The following ARHGAP24 variants were observed in gnomAD, a reference collection of about 807,000 sequenced individuals.
ARHGAP24 encodes the protein rho GTPase-activating protein 24.
A neutral mutation model predicts 76.4 loss-of-function variants in ARHGAP24; 50 were observed. The observed-to-expected ratio is 0.65, with a 90% CI of 0.52 to 0.83. ARHGAP24 has a LOEUF of 0.83. Among genes scored for constraint, ARHGAP24 ranks in the 40% least tolerant of loss-of-function variants. The pLI, the probability that ARHGAP24 is intolerant of heterozygous loss-of-function variation, is 0.00. For synonymous variants in ARHGAP24, 345 were observed against 323.3 expected, an observed-to-expected ratio of 1.07 and a Z score of -0.72; for missense variants, 930 against 914.2, an observed-to-expected ratio of 1.02 and a Z score of -0.22.
At position 85,882,709 on chromosome 4, in the gene ARHGAP24, G is replaced by T. The variant is rs573921826; in HGVS notation, c.269-40939G>T. Among the ~76,000 whole-genome samples the T allele has an allele frequency of 1.1e-4, 16 of 152,290 alleles. No homozygotes were observed. In the South Asian group the frequency reaches 3.1e-3, roughly 30 times the overall value. On this transcript the variant is annotated intron_variant, in intron 3 of 9. Transcript: ENST00000395184. Reference sequence around the variant, plus strand: ...AGCAAAGGTTTTCCAAAGGAGAATAGAGAGGTTCTCATAGGTGGCCAGAAT... The same window carrying T: ...AGCAAAGGTTTTCCAAAGGAGAATATAGAGGTTCTCATAGGTGGCCAGAAT...
chr4:85,773,767 G>A (rs1163894059), intron 3 of ARHGAP24, among the ~76,000 whole-genome samples: 1 of 151,900 alleles, frequency 6.6e-6, no homozygotes, highest in Non-Finnish European at 1.5e-5. Flanking sequence ...TATTTTCCTG[G>A]GGAAATTTCT....
Position 85,974,882 on chromosome 4 carries a change from A to G in ARHGAP24, c.733-6A>G. 1.2e-6 allele frequency: 2 copies of G among 1,612,970 alleles called. No individual in the cohort carries two copies. The highest frequency in any genetic ancestry group is 8.5e-7 in the Non-Finnish European group (1 of 1,179,224). ...AAATAATATTTATTTTCTTCTTTGT[A>G]CTCAGGGTGTTAAGGAATTAGCAAA... On this transcript the variant is annotated splice_polypyrimidine_tract_variant and splice_region_variant and intron_variant, in intron 6 of 9. Coordinates refer to ENST00000395184, the MANE Select transcript of ARHGAP24 (RefSeq NM_001025616.3).
At chr4:85,577,421 C>T (rs13104640) in intron 2 of ARHGAP24, among the ~76,000 whole-genome samples, 88,834 of 151,846 alleles carry the variant, frequency 0.59, 28,653 homozygotes, top group Non-Finnish European at 0.74. Context: ...TATAAAATAG[C>T]GTATTGCCTA....
intron 1 of ARHGAP24, among the ~76,000 whole-genome samples, chr4:85,565,356 A>G (rs1489276724): frequency 6.6e-6 from 1 of 152,066 alleles, no homozygotes; most frequent in Non-Finnish European, 1.5e-5. Flanking sequence ...AGTCCCACAA[A>G]TCTCTCATAG....
chr4:85,781,908 A>G (rs1727574629), intron 3 of ARHGAP24, among the ~76,000 whole-genome samples: 1 of 151,778 alleles, frequency 6.6e-6, no homozygotes, highest in African/African-American at 2.4e-5. Context: ...ACGGTGGCGC[A>G]TGTCTGTAAT....
intron 1 of ARHGAP24, among the ~76,000 whole-genome samples, 197 bp from the exon 2 acceptor site, chr4:85,570,325 C>T (rs981079902): frequency 2.6e-5 from 4 of 151,034 alleles, no homozygotes; most frequent in African/African-American, 9.9e-5. Context: ...TTCTCTTTCT[C>T]TCTCTCTCTT....
At chr4:85,519,326 A>G (rs367824919) in intron 1 of ARHGAP24, among the ~76,000 whole-genome samples, 3 of 152,186 alleles carry the variant, frequency 2.0e-5, no homozygotes, top group African/African-American at 7.2e-5. Flanking sequence ...ACCACTATCT[A>G]AGGGAAGAAA....
chr4:85,827,768 G>C lies in ARHGAP24; in HGVS notation c.269-95880G>C, dbSNP rs79659381. 2,953 of 430,394 alleles carry C rather than the reference G, an allele frequency of 6.9e-3. 12 individuals carry two copies. Among genetic ancestry groups the C allele is most frequent in the Middle Eastern group, 9.5e-3 (11 of 1,152 alleles). 26.7% of individuals were successfully genotyped at this position (430,394 alleles called of 1,614,324 possible). The stretch of plus-strand genomic sequence containing the variant: ...CGTTTTTACCTGAGCTCAGTAGCTG[G>C]GGAGCCCACTAGTGCTGGGGAGCGA... On this transcript the variant is annotated intron_variant, in intron 3 of 9. Coordinates refer to ENST00000395184, the MANE Select transcript of ARHGAP24 (RefSeq NM_001025616.3).
rs75504146 is a variant in ARHGAP24, at chr4:85,630,987, G to A, written c.180+60266G>A. Reference sequence around the variant, plus strand: ...ATACTATTCACTGCCATACACACACGTATATATACACACACATGCATGTGT... The same window carrying A: ...ATACTATTCACTGCCATACACACACATATATATACACACACATGCATGTGT... On this transcript the variant is annotated intron_variant, in intron 2 of 9. Coordinates refer to ENST00000395184, the MANE Select transcript of ARHGAP24 (RefSeq NM_001025616.3). Among the ~76,000 whole-genome samples, 40 of 151,916 alleles carry A rather than the reference G, an allele frequency of 2.6e-4. No homozygotes were observed. In the East Asian group the frequency reaches 5.2e-3, roughly 20 times the overall value.
At chr4:85,628,522 T>C (rs1560560263) in intron 2 of ARHGAP24, among the ~76,000 whole-genome samples, 1 of 152,230 alleles carries the variant, frequency 6.6e-6, no homozygotes, top group Non-Finnish European at 1.5e-5. Flanking sequence ...TCATTTTATC[T>C]GTGGCGGTGT....
chr4:85,597,451 G>A (rs1719879261), intron 2 of ARHGAP24, among the ~76,000 whole-genome samples: 1 of 151,978 alleles, frequency 6.6e-6, no homozygotes, highest in African/African-American at 2.4e-5. Context: ...GGGAAGGAGG[G>A]TAGGAATTGC....
chr4:85,640,902 T>C (rs199830008), intron 2 of ARHGAP24, among the ~76,000 whole-genome samples: 1 of 99,892 alleles, frequency 1.0e-5, no homozygotes, highest in Non-Finnish European at 2.1e-5. Context: ...TATAAAACAA[T>C]TTTTTGGATA....
At chr4:85,839,607 C>A (rs182124048) in intron 3 of ARHGAP24, among the ~76,000 whole-genome samples, 1 of 150,530 alleles carries the variant, frequency 6.6e-6, no homozygotes, top group Admixed American at 6.6e-5. Flanking sequence ...CGTGCCACCA[C>A]GCCCAGCCAG....
intron 2 of ARHGAP24, among the ~76,000 whole-genome samples, chr4:85,716,202 T>C (rs1184262665): frequency 6.6e-6 from 1 of 152,110 alleles, no homozygotes; most frequent in Non-Finnish European, 1.5e-5. Context: ...CAACAGCATC[T>C]ACCCTTACCC....
rs1184035744 is a variant in ARHGAP24, at chr4:85,584,845, C to T, written c.180+14124C>T. 2.0e-5 allele frequency among the ~76,000 whole-genome samples: 3 copies of T among 152,094 alleles called. No individual in the cohort carries two copies. The East Asian group carries it at 5.8e-4, about 29-fold the overall frequency. On this transcript the variant is annotated intron_variant, in intron 2 of 9. Transcript: ENST00000395184. ...TATCCCTGCTGAAGAACCCTATCCT[C>T]TTTGAAATCATGACAATTTAGAGGC...
intron 1 of ARHGAP24, among the ~76,000 whole-genome samples, chr4:85,530,235 GATATGAAACCTATGAGTTC>G (rs1222490231): frequency 3.3e-5 from 5 of 152,066 alleles, no homozygotes; most frequent in Admixed American, 3.3e-4. Flanking sequence ...AAGAGCATTA[GATATGAAACCTATGAGTTC>G]ACAAATATAT....
At chr4:85,843,872 A>G (rs1185640932) in intron 3 of ARHGAP24, among the ~76,000 whole-genome samples, 1 of 152,182 alleles carries the variant, frequency 6.6e-6, no homozygotes, top group African/African-American at 2.4e-5. Flanking sequence ...TACAAAATAT[A>G]TGTTGAACTA....
intron 2 of ARHGAP24, among the ~76,000 whole-genome samples, chr4:85,624,246 T>G (rs1720837114): frequency 6.6e-6 from 1 of 152,156 alleles, no homozygotes; most frequent in Non-Finnish European, 1.5e-5. Context: ...TCTTATTATT[T>G]TGAGATATGT....
chr4:85,930,964 G>C, intron 4 of ARHGAP24: 1 of 1,613,616 alleles, frequency 6.2e-7, no homozygotes, highest in Non-Finnish European at 8.5e-7. Context: ...GGGGTGCCCG[G>C]CTGGTGCCTT....
Sources: allele counts gnomAD v4.1 joint callset (sites outside exome capture counted in the v4.1 genomes callset), GRCh38; gene constraint gnomAD v4.1.1; transcripts MANE v1.5; gene names NCBI Gene and HGNC (gene_info 2026-07-23, HGNC 2026-07-21).